Variants in TMEM121B observed in about 807,000 individuals in gnomAD.
The protein encoded by TMEM121B is transmembrane protein 121B, also known as cat eye syndrome chromosome region, candidate 6.
In TMEM121B, 14 loss-of-function variants were observed where a neutral mutation model predicts 25.1. The observed-to-expected ratio is 0.56, with a 90% CI of 0.37 to 0.87. The LOEUF is 0.87. Among genes scored for constraint, TMEM121B ranks in the 40% least tolerant of loss-of-function variants. The pLI is 0.00. For synonymous variants in TMEM121B, 458 were observed against 420.9 expected, an observed-to-expected ratio of 1.09 and a Z score of -1.08; for missense variants, 850 against 854.6, an observed-to-expected ratio of 0.99 and a Z score of 0.07.
rs1184744765 is a variant in TMEM121B at position 17,119,720 on chromosome 22, G to A, written c.1408C>T (p.Arg470Cys). ...TCCACCAGGCAGCCGCCCAGCAGGC[G>A]CAGAAGGCGGCTGCAGCTGCCAGGC... The part of the protein sequence containing the change: ...SGPGSCSRLL[R>C]LLGGCLVDVP... The change falls in exon 1 of 1, where the codon CGC (arginine) becomes TGC (cysteine). Residue 470 changes from arginine (R) to cysteine (C), a missense_variant. Coordinates refer to ENST00000331437, the MANE Select transcript of TMEM121B (RefSeq NM_031890.4). The A allele has an allele frequency of 1.3e-6, 2 of 1,542,482 alleles. No homozygotes were observed. The highest frequency in any genetic ancestry group is 1.7e-6 in the Non-Finnish European group (2 of 1,150,936).
Position 17,119,793 on chromosome 22 carries a change from C to T in TMEM121B, c.1335G>A (p.Glu445=). 6.3e-7 allele frequency: 1 copy of T among 1,583,818 alleles called. No individual in the cohort carries two copies. The highest frequency in any genetic ancestry group is 8.5e-7 in the Non-Finnish European group (1 of 1,173,222). The change falls in exon 1 of 1, where the codon GAG becomes GAA. Residue 445 remains glutamate, a synonymous_variant. Coordinates refer to ENST00000331437, the MANE Select transcript of TMEM121B (RefSeq NM_031890.4). ...TLASPVLWLY[E]LNAAAAAAAS... ...CAGCCGCTGCGGCCGCGGCGTTGAG[C>T]TCGTAGAGCCAGAGCACCGGCGAGG... is the stretch of plus-strand genomic sequence containing the variant.
rs1288755890 is a variant in TMEM121B, at chr22:17,120,834, C to T, written c.294G>A (p.Pro98=). The stretch of plus-strand genomic sequence containing the variant: ...CGGCGGGGGCGCCCACCTGAGCCGG[C>T]GGCCCCAGGAGCGCGGCGTTGGGCA... The part of the protein sequence containing the change: ...PLVPNAALLG[P]PAQVGAPAGP... The change falls in exon 1 of 1, where the codon CCG becomes CCA. Residue 98 remains proline (P), a synonymous_variant. Coordinates refer to ENST00000331437, the MANE Select transcript of TMEM121B (RefSeq NM_031890.4). The T allele has an allele frequency of 7.9e-7, 1 of 1,263,340 alleles. No individual in the cohort carries two copies. Among genetic ancestry groups the T allele is most frequent in the Non-Finnish European group, 9.9e-7 (1 of 1,007,102 alleles). The allele number at this position is 1,263,340 out of a possible 1,614,324, so 78.3% of individuals were successfully genotyped here. A position where few individuals can be genotyped will look rare whatever the true frequency, so the allele number is the denominator to read the frequency against.
In TMEM121B at chr22:17,120,773, T is replaced by C. The variant is rs767161496; in HGVS notation, c.355A>G (p.Thr119Ala). The change falls in exon 1 of 1, where the codon ACC becomes GCC. Residue 119 changes from threonine (T) to alanine (A), a missense_variant. By Grantham distance (58) the Thr-to-Ala change is moderately conservative (BLOSUM62 0). Transcript: ENST00000331437. ...APVAFSSSAA[T>A]SSSTSTPTSS... ...GTGGGCGTGGAGGTGGAGGAGGAGG[T>C]GGCCGCTGAGGAGGAGAAGGCGACA... 92 of 1,167,290 alleles carry C rather than the reference T, an allele frequency of 7.9e-5. No individual in the cohort carries two copies. Among genetic ancestry groups the C allele is most frequent in the Non-Finnish European group, 9.3e-5 (88 of 950,128 alleles). 72.3% of individuals were successfully genotyped at this position (1,167,290 alleles called of 1,614,324 possible).
chr22:17,120,462 G>T lies in TMEM121B; in HGVS notation c.666C>A (p.Val222=). 1.3e-6 allele frequency: 2 copies of T among 1,586,514 alleles called. No individual in the cohort carries two copies. Among genetic ancestry groups the T allele is most frequent in the Non-Finnish European group, 1.7e-6 (2 of 1,170,184 alleles). Residue 222 remains valine, a synonymous_variant, in exon 1 of 1, where the codon GTC becomes GTA. Transcript: ENST00000331437. ...GGLLDLYLIA[V]TDLYWCSWIA... The stretch of plus-strand genomic sequence containing the variant: ...TCCAGGAGCACCAGTACAGGTCGGT[G>T]ACGGCGATGAGGTACAGGTCCAGCA...
chr22:17,119,709 G>T lies in TMEM121B; in HGVS notation c.1419C>A (p.Gly473=), dbSNP rs1320520357. Residue 473 remains glycine (G), a synonymous_variant, in exon 1 of 1, where the codon GGC becomes GGA. Coordinates refer to ENST00000331437, the MANE Select transcript of TMEM121B (RefSeq NM_031890.4). The part of the protein sequence containing the change: ...GSCSRLLRLL[G]GCLVDVPLLA... The stretch of plus-strand genomic sequence containing the variant: ...GCAAGGGCACGTCCACCAGGCAGCC[G>T]CCCAGCAGGCGCAGAAGGCGGCTGC... 6.5e-7 allele frequency: 1 copy of T among 1,542,316 alleles called. No homozygotes were observed. The highest frequency in any genetic ancestry group is 1.2e-5 in the South Asian group (1 of 84,802).
rs1277550640 is a variant in TMEM121B, at chr22:17,120,854, TG to T, written c.273del (p.Asn92ThrfsTer41). 7.6e-7 allele frequency: 1 copy of T among 1,320,772 alleles called. No individual in the cohort carries two copies. The highest frequency in any genetic ancestry group is 9.6e-7 in the Non-Finnish European group (1 of 1,037,130). 81.8% of individuals were successfully genotyped at this position (1,320,772 alleles called of 1,614,324 possible). A position where few individuals can be genotyped will look rare whatever the true frequency, so the allele number is the denominator to read the frequency against. On this transcript the variant is annotated frameshift_variant, in exon 1 of 1. Coordinates refer to ENST00000331437, the MANE Select transcript of TMEM121B (RefSeq NM_031890.4). LOFTEE classifies it high-confidence loss of function. ...ESLSVSKPLV[P>X]NAALLGPPAQ... ...GCCGGCGGCCCCAGGAGCGCGGCGT[TG>T]GGCACCAGCGGCTTGCTGACGCTGA...
chr22:17,119,972 G>T lies in TMEM121B; in HGVS notation c.1156C>A (p.Gln386Lys). 1.3e-6 allele frequency: 2 copies of T among 1,587,216 alleles called. No homozygotes were observed. The highest frequency in any genetic ancestry group is 1.7e-6 in the Non-Finnish European group (2 of 1,171,574). ...PPGSAGPLLLQPQRHRAAGCF... is the reference protein window; with the variant it reads ...PPGSAGPLLLKPQRHRAAGCF... ...CCGGCCGCGCGGTGCCGCTGGGGCT[G>T]CAGCAGCAGGGGTCCTGCCGATCCC... Residue 386 changes from glutamine (Q) to lysine (K), a missense_variant, in exon 1 of 1, where the codon CAG becomes AAG. Coordinates refer to ENST00000331437, the MANE Select transcript of TMEM121B (RefSeq NM_031890.4).
In TMEM121B at chr22:17,121,258, C is replaced by T. The variant is rs1302419110; in HGVS notation, c.-131G>A. On this transcript the variant is annotated 5_prime_UTR_variant, in exon 1 of 1. Coordinates refer to ENST00000331437, the MANE Select transcript of TMEM121B (RefSeq NM_031890.4). ...CAGCAGTGGGGACTCGCACCTGGGC[C>T]GGGCGGCGGCGAGATCCGGACTGGA... 3 of 900,524 alleles carry T rather than the reference C, an allele frequency of 3.3e-6. No individual in the cohort carries two copies. Among genetic ancestry groups the T allele is most frequent in the Non-Finnish European group, 4.4e-6 (3 of 688,698 alleles). 55.8% of individuals were successfully genotyped at this position (900,524 alleles called of 1,614,324 possible).
Position 17,120,576 on chromosome 22 carries a change from T to C in TMEM121B, c.552A>G (p.Arg184=), listed in dbSNP as rs75243280. ...CCGCPDRPGR[R]GRRRGCAPSP... is the part of the protein sequence containing the mutation. The stretch of plus-strand genomic sequence containing the variant: ...TGGGGGCGCAGCCGCGGCGCCGACC[T>C]CTGCGGCCGGGGCGGTCTGGGCAGC... The change falls in exon 1 of 1, where the codon AGA becomes AGG. Residue 184 remains arginine (R), a synonymous_variant. Transcript: ENST00000331437. 452,071 of 1,455,870 alleles carry C rather than the reference T, an allele frequency of 0.31. 72,456 individuals carry two copies. The highest frequency in any genetic ancestry group is 0.33 in the Non-Finnish European group (364,861 of 1,105,212). 90.2% of individuals were successfully genotyped at this position (1,455,870 alleles called of 1,614,324 possible). A position where few individuals can be genotyped will look rare whatever the true frequency, so the allele number is the denominator to read the frequency against.
chr22:17,119,865 G>T lies in TMEM121B; in HGVS notation c.1263C>A (p.Pro421=). The T allele has an allele frequency of 1.3e-6, 2 of 1,576,540 alleles. No individual in the cohort carries two copies. The highest frequency in any genetic ancestry group is 1.1e-5 in the South Asian group (1 of 88,262). ...ELMLEGRVPL[P]AHLRYLLIAV... is the part of the protein sequence containing the mutation. ...CGATAAGCAGGTAGCGCAGGTGCGCGGGCAGCGGCACGCGGCCCTCCAGCA... is the reference window on the plus strand; with the variant it reads ...CGATAAGCAGGTAGCGCAGGTGCGCTGGCAGCGGCACGCGGCCCTCCAGCA... The change falls in exon 1 of 1, where the codon CCC becomes CCA. Residue 421 remains proline (P), a synonymous_variant. Transcript: ENST00000331437.
Position 17,119,824 on chromosome 22 carries a change from G to A in TMEM121B, c.1304C>T (p.Thr435Ile). 6.3e-7 allele frequency: 1 copy of A among 1,588,318 alleles called. No individual in the cohort carries two copies. The highest frequency in any genetic ancestry group is 1.1e-5 in the South Asian group (1 of 89,498). Residue 435 changes from threonine to isoleucine, a missense_variant, in exon 1 of 1, where the codon ACC becomes ATC. By Grantham distance (89) the Thr-to-Ile change is moderately conservative. Transcript: ENST00000331437. The stretch of plus-strand genomic sequence containing the variant: ...GAGCCAGAGCACCGGCGAGGCGAGG[G>A]TGAGGAAGTAGACGGCGATAAGCAG... Reference protein sequence around the residue: ...RYLLIAVYFLTLASPVLWLYE... With the variant: ...RYLLIAVYFLILASPVLWLYE...
Position 17,121,180 on chromosome 22 carries a change from G to GGGCGGGCGA in TMEM121B, c.-62_-54dup, listed in dbSNP as rs1190705489. 2 of 1,258,424 alleles carry GGGCGGGCGA rather than the reference G, an allele frequency of 1.6e-6. No homozygotes were observed. Among genetic ancestry groups the GGGCGGGCGA allele is most frequent in the Non-Finnish European group, 2.0e-6 (2 of 1,001,614 alleles). The allele number at this position is 1,258,424 out of a possible 1,614,324, so 78.0% of individuals were successfully genotyped here. ...CAGCTGTTCCCTCCCCGCCAACCCC[G>GGGCGGGCGA]GGCGGGCGAGGCGGGCTAGGCGGCC... On this transcript the variant is annotated 5_prime_UTR_variant, in exon 1 of 1. Coordinates refer to ENST00000331437, the MANE Select transcript of TMEM121B (RefSeq NM_031890.4).
rs1213356159 is a variant in TMEM121B, at chr22:17,120,108, G to A, written c.1020C>T (p.Leu340=). Residue 340 remains leucine (L), a synonymous_variant, in exon 1 of 1, where the codon CTC becomes CTT. Transcript: ENST00000331437. The stretch of plus-strand genomic sequence containing the variant: ...TGCCGAAGGGCGCGCGTAGCTCGAT[G>A]AGGTCTAGGATGGACGTGCCCAGGA... ...VLILGTSILD[L]IELRAPFGTT... 1.9e-6 allele frequency: 3 copies of A among 1,611,704 alleles called. No individual in the cohort carries two copies. Among genetic ancestry groups the A allele is most frequent in the African/African-American group, 2.7e-5 (2 of 74,906 alleles).
chr22:17,119,214 C>T lies in TMEM121B; in HGVS notation c.*177G>A. On this transcript the variant is annotated 3_prime_UTR_variant, in exon 1 of 1. Coordinates refer to ENST00000331437, the MANE Select transcript of TMEM121B (RefSeq NM_031890.4). ...GTGCACCTACCTCCCTCACCGTTAA[C>T]TGCTGGTCTCCCTCCAAGCCGTCCT... The T allele has an allele frequency of 1.2e-6, 1 of 859,210 alleles. No individual in the cohort carries two copies. The highest frequency in any genetic ancestry group is 1.7e-6 in the Non-Finnish European group (1 of 571,774). The allele number at this position is 859,210 out of a possible 1,614,324, so 53.2% of individuals were successfully genotyped here.
rs552494738 is a variant in TMEM121B, at chr22:17,120,018, G to A, written c.1110C>T (p.Ile370=). 26 of 1,607,630 alleles carry A rather than the reference G, an allele frequency of 1.6e-5. No individual in the cohort carries two copies. The East Asian group carries it at 5.1e-4, about 32-fold the overall frequency. ...VPLLYSLVRA[I]SEAGAPPGSA... is the part of the protein sequence containing the mutation. ...ATCCCGGGGGCGCGCCCGCCTCGCTGATGGCCCGCACCAAGCTGTAGAGCA... is the reference window on the plus strand; with the variant it reads ...ATCCCGGGGGCGCGCCCGCCTCGCTAATGGCCCGCACCAAGCTGTAGAGCA... The change falls in exon 1 of 1, where the codon ATC becomes ATT. Residue 370 remains isoleucine, a synonymous_variant. Transcript: ENST00000331437.
Position 17,119,928 on chromosome 22 carries a change from G to A in TMEM121B, c.1200C>T (p.Cys400=). The A allele has an allele frequency of 3.8e-6, 6 of 1,570,488 alleles. No homozygotes were observed. Among genetic ancestry groups the A allele is most frequent in the Non-Finnish European group, 4.3e-6 (5 of 1,164,214 alleles). Residue 400 remains cysteine, a synonymous_variant, in exon 1 of 1, where the codon TGC becomes TGT. Coordinates refer to ENST00000331437, the MANE Select transcript of TMEM121B (RefSeq NM_031890.4). ...HRAAGCFLGT[C]LDLLDSFTLV... is the part of the protein sequence containing the mutation. Reference sequence around the variant, plus strand: ...GCGTGAAGCTGTCGAGCAGGTCCAAGCACGTGCCCAGGAAGCATCCGGCCG... The same window carrying A: ...GCGTGAAGCTGTCGAGCAGGTCCAAACACGTGCCCAGGAAGCATCCGGCCG...
In TMEM121B at chr22:17,120,680, CG is replaced by C. The variant is rs1473354256; in HGVS notation, c.447del (p.Ser151AlafsTer181). The C allele has an allele frequency of 8.4e-7, 1 of 1,183,964 alleles. No individual in the cohort carries two copies. Among genetic ancestry groups the C allele is most frequent in the Non-Finnish European group, 1.0e-6 (1 of 958,578 alleles). 73.3% of individuals were successfully genotyped at this position (1,183,964 alleles called of 1,614,324 possible). A position where few individuals can be genotyped will look rare whatever the true frequency, so the allele number is the denominator to read the frequency against. ...GGAAAGAVGGPGSRSAGGAGG... is the reference protein window; with the variant it reads ...GGAAAGAVGGXGSRSAGGAGG... ...CCCGCGCCCCCCGCCGAGCGGCTCC[CG>C]GGGCCCCCGACGGCCCCGGCCGCGG... On this transcript the variant is annotated frameshift_variant, in exon 1 of 1. Transcript: ENST00000331437. LOFTEE classifies it high-confidence loss of function.
chr22:17,120,985 G>GTGCTGC lies in TMEM121B; in HGVS notation c.137_142dup (p.Ser46_Ser47dup), dbSNP rs1490142096. ...TCCCCCGCGGCTGGTGCTGGTGCTG[G>GTGCTGC]TGCTGCTGTCGCCGGAGCCTCTCCG... is the stretch of plus-strand genomic sequence containing the variant. On this transcript the variant is annotated inframe_insertion, in exon 1 of 1. Transcript: ENST00000331437. The GTGCTGC allele has an allele frequency of 2.0e-6, 3 of 1,464,396 alleles. No individual in the cohort carries two copies. The highest frequency in any genetic ancestry group is 2.7e-6 in the Non-Finnish European group (3 of 1,110,806). The allele number at this position is 1,464,396 out of a possible 1,614,324, so 90.7% of individuals were successfully genotyped here.
At position 17,120,297 on chromosome 22, in the gene TMEM121B, G is replaced by T. The variant is rs747710819; in HGVS notation, c.831C>A (p.Pro277=). 1 of 1,387,884 alleles carries T rather than the reference G, an allele frequency of 7.2e-7. No homozygotes were observed. The highest frequency in any genetic ancestry group is 2.8e-5 in the East Asian group (1 of 35,326). The allele number at this position is 1,387,884 out of a possible 1,614,324, so 86.0% of individuals were successfully genotyped here. A position where few individuals can be genotyped will look rare whatever the true frequency, so the allele number is the denominator to read the frequency against. Residue 277 remains proline (P), a synonymous_variant, in exon 1 of 1, where the codon CCC becomes CCA. Transcript: ENST00000331437. ...CCCCAGCGGTAGCGGCCGAGGGGGCGGGCAGATGCAGGGGCGGCGCGGCGT... is the reference window on the plus strand; with the variant it reads ...CCCCAGCGGTAGCGGCCGAGGGGGCTGGCAGATGCAGGGGCGGCGCGGCGT... ...HHHAAPPLHL[P]APSAATAGAK...
Sources: gnomAD v4.1 joint callset for allele counts on GRCh38, gnomAD v4.1.1 for gene constraint, MANE v1.5 for transcripts, NCBI Gene and HGNC (gene_info 2026-07-23, HGNC 2026-07-21) for gene names.